Variants in SMG7 observed in about 807,000 individuals in gnomAD.
SMG7 encodes nonsense-mediated mRNA decay factor SMG7.
SMG7 carries 34 observed loss-of-function variants against 148.2 expected under a neutral mutation model. The observed-to-expected ratio is 0.23, with a 90% confidence interval of 0.17 to 0.31. The LOEUF is 0.31. Among genes scored for constraint, SMG7 ranks in the 10% least tolerant of loss-of-function variants. The pLI is 1.00. For missense variants in SMG7, 1,114 were observed against 1,408.4 expected (o/e 0.79, Z 3.35); for synonymous variants, 492 against 515.1 (o/e 0.96, Z 0.61).
intron 1 of SMG7, among the ~76,000 whole-genome samples, chr1:183,487,947 C>A (rs1207684751): frequency 6.6e-6 from 1 of 152,156 alleles, no homozygotes; most frequent in Non-Finnish European, 1.5e-5. Context: ...TATAAGGATT[C>A]CATTCGTTTG....
intron 8 of SMG7, among the ~76,000 whole-genome samples, chr1:183,531,671 G>A (rs888042169): frequency 6.6e-6 from 1 of 152,028 alleles, no homozygotes; most frequent in Non-Finnish European, 1.5e-5. Flanking sequence ...TAATACTTCT[G>A]TGCATACGCT....
In SMG7 at chr1:183,545,101, A is replaced by G. The variant is rs1015474305; in HGVS notation, c.2159A>G (p.Gln720Arg). 6.2e-7 allele frequency: 1 copy of G among 1,614,138 alleles called. No individual in the cohort carries two copies. Among genetic ancestry groups the G allele is most frequent in the South Asian group, 1.1e-5 (1 of 91,092 alleles). The change falls in exon 16 of 23, where the codon CAG (glutamine) becomes CGG (arginine). Residue 720 changes from glutamine to arginine, a missense_variant. Physicochemically the swap from Gln to Arg is conservative, Grantham distance 43. This residue lies in a region of SMG7 where 788 missense variants were observed against 894.5 expected (regional missense o/e 0.88). Coordinates refer to ENST00000688051, the MANE Select transcript of SMG7 (RefSeq NM_001375584.1). ...AAACAGTCCCACATTCCTTACAGCC[A>G]GCAACGGCCCTCTGGACCAGGGCCA... The part of the protein sequence containing the change: ...AGKQSHIPYS[Q>R]QRPSGPGPMN...
At chr1:183,528,792 C>T (rs1666358434) in intron 6 of SMG7, 100 bp from the exon 7 acceptor site, 2 of 1,034,248 alleles carry the variant, frequency 1.9e-6, no homozygotes, top group African/African-American at 1.6e-5. Flanking sequence ...TATAAAAATA[C>T]TCCCCATTGT....
At chr1:183,549,689 C>A in intron 19 of SMG7, 75 bp from the exon 20 acceptor site, 1 of 1,200,322 alleles carries the variant, frequency 8.3e-7, no homozygotes, top group Non-Finnish European at 1.2e-6. Context: ...ACCAAGCATC[C>A]ATGAACAAGA....
chr1:183,497,328 C>A (rs1277827643), intron 1 of SMG7, among the ~76,000 whole-genome samples: 5 of 152,172 alleles, frequency 3.3e-5, no homozygotes, highest in Non-Finnish European at 7.3e-5. Context: ...TCCTCAGCTT[C>A]ATAGTGTTTT....
Position 183,552,142 on chromosome 1 carries a change from G to A in SMG7, c.*211G>A, listed in dbSNP as rs1022771513. The A allele has an allele frequency of 7.2e-6, 9 of 1,248,136 alleles. No individual in the cohort carries two copies. The Admixed American group carries it at 1.5e-4, about 21-fold the overall frequency. 77.3% of individuals were successfully genotyped at this position (1,248,136 alleles called of 1,614,324 possible). On this transcript the variant is annotated 3_prime_UTR_variant, in exon 23 of 23. Transcript: ENST00000688051. ...TCCATCAGGAACTCTCCGTCCCCCC[G>A]GGGCCCTCCGGAGGGAGAGAGAGAG... is the stretch of plus-strand genomic sequence containing the variant.
At chr1:183,541,166 A>C in intron 13 of SMG7, 63 bp downstream of exon 13, 3 of 1,429,104 alleles carry the variant, frequency 2.1e-6, no homozygotes, top group Non-Finnish European at 2.0e-6. Context: ...ACATGCGCGC[A>C]CACGCGCGCG....
intron 1 of SMG7, among the ~76,000 whole-genome samples, chr1:183,485,008 A>G (rs1571767215): frequency 1.3e-5 from 2 of 152,262 alleles, no homozygotes; most frequent in Non-Finnish European, 2.9e-5. Flanking sequence ...TGTTCTTTTG[A>G]CATGATTGTT....
chr1:183,517,475 G>C (rs189770989), intron 3 of SMG7, among the ~76,000 whole-genome samples: 14 of 152,148 alleles, frequency 9.2e-5, no homozygotes, highest in Middle Eastern at 3.2e-3. Context: ...CGAACATTTG[G>C]TAAGTGTTTA....
intron 1 of SMG7, among the ~76,000 whole-genome samples, chr1:183,505,721 T>A (rs1660746682): frequency 6.6e-6 from 1 of 152,246 alleles, no homozygotes; most frequent in East Asian, 1.9e-4. Context: ...CCCTGAACAC[T>A]ATCTTTTTTG....
chr1:183,526,811 T>C (rs1474979115), intron 5 of SMG7, 44 bp downstream of exon 5: 3 of 1,524,472 alleles, frequency 2.0e-6, no homozygotes, highest in Non-Finnish European at 1.8e-6. Context: ...TTCCTCCTTT[T>C]CTTTGGAATA....
rs1399029300 is a variant in SMG7, at chr1:183,526,781, G to T, written c.484+14G>T. On this transcript the variant is annotated intron_variant, in intron 5 of 22. Transcript: ENST00000688051. Reference sequence around the variant, plus strand: ...TTGGAGACATTGGTGAGCCTTTGCTGTGAAGGAATTGATAATATGTTCCTC... The same window carrying T: ...TTGGAGACATTGGTGAGCCTTTGCTTTGAAGGAATTGATAATATGTTCCTC... 1.9e-5 allele frequency: 30 copies of T among 1,592,944 alleles called. No individual in the cohort carries two copies. The highest frequency in any genetic ancestry group is 2.6e-5 in the Non-Finnish European group (30 of 1,170,860).
At chr1:183,480,046 G>A (rs1557941193) in intron 1 of SMG7, among the ~76,000 whole-genome samples, 1 of 152,158 alleles carries the variant, frequency 6.6e-6, no homozygotes, top group African/African-American at 2.4e-5. Flanking sequence ...AAGTGGTGAT[G>A]TGGAAGTGGT....
chr1:183,512,627 A>C (rs894149109), intron 1 of SMG7, among the ~76,000 whole-genome samples: 1 of 152,192 alleles, frequency 6.6e-6, no homozygotes, highest in Admixed American at 6.5e-5. Context: ...AGTGGTCCTT[A>C]AACTTTTAAG....
Position 183,537,215 on chromosome 1 carries a change from G to C in SMG7, c.1234G>C (p.Ala412Pro). The change falls in exon 11 of 23, where the codon GCG (alanine) becomes CCG (proline). Residue 412 changes from alanine to proline, a missense_variant and splice_region_variant. By Grantham distance (27) the Ala-to-Pro change is conservative (BLOSUM62 -1). This residue lies in a region of SMG7 where 102 missense variants were observed against 147.2 expected (regional missense o/e 0.69). Coordinates refer to ENST00000688051, the MANE Select transcript of SMG7 (RefSeq NM_001375584.1). ...PHEEDLSSIS[A>P]TPLPEEFELQ... ...TGAAGAGGACCTCTCAAGTATTAGT[G>C]GTAAGGGCTACCCTAACCTTGTGTT... is the stretch of plus-strand genomic sequence containing the variant. 1 of 1,606,760 alleles carries C rather than the reference G, an allele frequency of 6.2e-7. No individual in the cohort carries two copies. Among genetic ancestry groups the C allele is most frequent in the Non-Finnish European group, 8.5e-7 (1 of 1,173,502 alleles).
At position 183,545,253 on chromosome 1, in the gene SMG7, C is replaced by T. The variant is rs1558060812; in HGVS notation, c.2311C>T (p.Pro771Ser). ...VQALTQQQQS[P>S]TKAVPALGKS... ...AGCTCTAACTCAGCAACAACAATCC[C>T]CTACAAAAGCTGTGCCGGCTTTGGG... Residue 771 changes from proline (P) to serine (S), a missense_variant, in exon 16 of 23, where the codon CCT becomes TCT. Around this residue, in one of 4 missense-constraint regions of SMG7, gnomAD observed 788 missense variants for 894.5 expected, o/e 0.88. Transcript: ENST00000688051. 3 of 1,613,766 alleles carry T rather than the reference C, an allele frequency of 1.9e-6. No homozygotes were observed. The highest frequency in any genetic ancestry group is 2.5e-6 in the Non-Finnish European group (3 of 1,180,008).
At chr1:183,530,389 C>A (rs114211820) in intron 8 of SMG7, among the ~76,000 whole-genome samples, 1 of 152,012 alleles carries the variant, frequency 6.6e-6, no homozygotes, top group Non-Finnish European at 1.5e-5. Flanking sequence ...TACAGGTAAT[C>A]GCTTTTTGGT....
intron 18 of SMG7, 37 bp from the exon 19 acceptor site, chr1:183,549,171 G>A (rs1242927434): frequency 2.1e-6 from 3 of 1,445,974 alleles, no homozygotes; most frequent in Non-Finnish European, 2.9e-6. Flanking sequence ...AAAATAGAAG[G>A]TATAACTTAA....
chr1:183,551,763 C>G lies in SMG7; in HGVS notation c.3451-55C>G, dbSNP rs965483532. Reference sequence around the variant, plus strand: ...ATATTTGGCTGGGATTGAAAAATCCCTTTCAGACAACTTGGCATTTGACCT... The same window carrying G: ...ATATTTGGCTGGGATTGAAAAATCCGTTTCAGACAACTTGGCATTTGACCT... On this transcript the variant is annotated intron_variant, in intron 22 of 22. Transcript: ENST00000688051. 6.4e-6 allele frequency: 9 copies of G among 1,396,724 alleles called. No homozygotes were observed. The African/African-American group carries it at 1.0e-4, about 16-fold the overall frequency. The allele number at this position is 1,396,724 out of a possible 1,614,324, so 86.5% of individuals were successfully genotyped here.
Sources: allele counts gnomAD v4.1 joint callset (sites outside exome capture counted in the v4.1 genomes callset), GRCh38; gene constraint gnomAD v4.1.1; regional missense constraint gnomAD v4.1.1; transcripts MANE v1.5; gene names NCBI Gene and HGNC (gene_info 2026-07-23, HGNC 2026-07-21).